The following RNF43 variants were observed in gnomAD, a reference collection of about 807,000 sequenced individuals.
RNF43 encodes ring finger protein 43.
A neutral mutation model predicts 78.4 loss-of-function variants in RNF43; 37 were observed. The observed-to-expected ratio is 0.47, with a 90% CI of 0.36 to 0.62. The LOEUF is 0.62. RNF43 is among the 20% of genes least tolerant of loss of function. The pLI, the probability that RNF43 is intolerant of heterozygous loss-of-function variation, is 0.00. For missense variants in RNF43, 774 were observed against 1,007.9 expected, an observed-to-expected ratio of 0.77 and a Z score of 3.14; for synonymous variants, 347 against 395.0, an observed-to-expected ratio of 0.88 and a Z score of 1.44.
intron 2 of RNF43, among the ~76,000 whole-genome samples, chr17:58,391,775 G>T (rs1384729105): frequency 6.6e-6 from 1 of 152,158 alleles, no homozygotes; most frequent in Non-Finnish European, 1.5e-5. Context: ...ACAAAAGGAG[G>T]AGTGTTCAGA....
chr17:58,399,643 A>ATT (rs1370117543), intron 2 of RNF43, among the ~76,000 whole-genome samples: 12 of 142,662 alleles, frequency 8.4e-5, no homozygotes, highest in East Asian at 2.0e-4. Flanking sequence ...AGTAGCAGCA[A>ATT]TTTTTTTTTT....
chr17:58,352,760 T>C, downstream of RNF43: 1 of 215,006 alleles, frequency 4.7e-6, no homozygotes, highest in Admixed American at 5.8e-5. Context: ...CGTATTTATC[T>C]TTTAAAACTC....
Position 58,415,668 on chromosome 17 carries a change from A to C in RNF43, c.-91T>G. 1 of 1,444,120 alleles carries C rather than the reference A, an allele frequency of 6.9e-7. No individual in the cohort carries two copies. The highest frequency in any genetic ancestry group is 9.4e-7 in the Non-Finnish European group (1 of 1,063,484). The allele number at this position is 1,444,120 out of a possible 1,614,324, so 89.5% of individuals were successfully genotyped here. On this transcript the variant is annotated 5_prime_UTR_variant, in exon 2 of 10. Coordinates refer to ENST00000407977, the MANE Select transcript of RNF43 (RefSeq NM_017763.6). ...GTTCTCAGATCCAGACAAATGGAGG[A>C]AAAGAACATTTATGCTTCCGTTTCA...
At position 58,366,417 on chromosome 17, in the gene RNF43, A is replaced by G. The variant is rs550028849; in HGVS notation, c.376-2817T>C. ...AGAAGATGGTGTTGAAAGCATGCACAGACACCCTACCCTCTGGAGGCATGC... is the reference window on the plus strand; with the variant it reads ...AGAAGATGGTGTTGAAAGCATGCACGGACACCCTACCCTCTGGAGGCATGC... On this transcript the variant is annotated intron_variant, in intron 3 of 9. Coordinates refer to ENST00000407977, the MANE Select transcript of RNF43 (RefSeq NM_017763.6). Among the ~76,000 whole-genome samples, 3 of 152,352 alleles carry G rather than the reference A, an allele frequency of 2.0e-5. No homozygotes were observed. In the East Asian group the frequency reaches 5.8e-4, roughly 29 times the overall value.
Position 58,360,486 on chromosome 17 carries a change from T to TA in RNF43, c.850-236dup, listed in dbSNP as rs966461659. Among the ~76,000 whole-genome samples, 6 of 152,074 alleles carry TA rather than the reference T, an allele frequency of 3.9e-5. No individual in the cohort carries two copies. Among genetic ancestry groups the TA allele is most frequent in the African/African-American group, 7.2e-5 (3 of 41,394 alleles). On this transcript the variant is annotated intron_variant, in intron 7 of 9. Coordinates refer to ENST00000407977, the MANE Select transcript of RNF43 (RefSeq NM_017763.6). The surrounding 1 kb of genome is among the most constrained non-coding windows in gnomAD (Gnocchi z 4.3). ...ACAGTTTTCTGCTGTAAAATGAAGATAAAAAAATGAATCTAACCCCACCCT... is the reference window on the plus strand; with the variant it reads ...ACAGTTTTCTGCTGTAAAATGAAGATAAAAAAAATGAATCTAACCCCACCCT...
intron 2 of RNF43, among the ~76,000 whole-genome samples, chr17:58,396,669 G>A (rs1331879897): frequency 6.6e-6 from 1 of 152,072 alleles, no homozygotes; most frequent in African/African-American, 2.4e-5. Context: ...CTGGTCTGAG[G>A]TTTGCTTAGA....
At position 58,360,756 on chromosome 17, in the gene RNF43, G is replaced by T; in HGVS notation, c.849+27C>A. 6.3e-7 allele frequency: 1 copy of T among 1,592,336 alleles called. No homozygotes were observed. Among genetic ancestry groups the T allele is most frequent in the Non-Finnish European group, 8.6e-7 (1 of 1,167,996 alleles). On this transcript the variant is annotated intron_variant, in intron 7 of 9. Transcript: ENST00000407977. The surrounding 1 kb of genome is among the most constrained non-coding windows in gnomAD (Gnocchi z 4.3). ...GCTTCAATCTCCCCAGTCTGGTCAT[G>T]GAGGTGAACCACAAGACCTGCCTTA... is the stretch of plus-strand genomic sequence containing the variant.
At chr17:58,369,544 T>C (rs1174135973) in intron 3 of RNF43, among the ~76,000 whole-genome samples, 1 of 152,160 alleles carries the variant, frequency 6.6e-6, no homozygotes, top group East Asian at 1.9e-4. Context: ...TCACCACCCT[T>C]GGGGGCATAC....
rs2143382439 is a variant in RNF43, at chr17:58,357,441, C to T, written c.2308+27G>A. ...TTCAGCTGTAGTCTCCTCTCCCTAC[C>T]ACACCCACTTCCCTCTGAAAACTCA... is the stretch of plus-strand genomic sequence containing the variant. On this transcript the variant is annotated intron_variant, in intron 9 of 9. Coordinates refer to ENST00000407977, the MANE Select transcript of RNF43 (RefSeq NM_017763.6). The surrounding 1 kb of genome is among the most constrained non-coding windows in gnomAD (Gnocchi z 4.5). 6.2e-7 allele frequency: 1 copy of T among 1,614,136 alleles called. No homozygotes were observed. Among genetic ancestry groups the T allele is most frequent in the South Asian group, 1.1e-5 (1 of 91,084 alleles).
At chr17:58,369,961 C>T (rs1222375930) in intron 3 of RNF43, among the ~76,000 whole-genome samples, 1 of 151,918 alleles carries the variant, frequency 6.6e-6, no homozygotes. Context: ...AGAGAAGGCC[C>T]ACAGCTGTGG....
At chr17:58,374,280 G>T (rs759612567) in intron 2 of RNF43, among the ~76,000 whole-genome samples, 1 of 151,760 alleles carries the variant, frequency 6.6e-6, no homozygotes, top group Non-Finnish European at 1.5e-5. Flanking sequence ...TACCTTCCCC[G>T]AACTCATTTA....
At chr17:58,371,158 G>C (rs548403968) in intron 2 of RNF43, 125 bp from the exon 3 acceptor site, 2 of 963,794 alleles carry the variant, frequency 2.1e-6, no homozygotes, top group East Asian at 5.7e-5. Flanking sequence ...TAAAAGAGTA[G>C]GCCTTATGAT....
At chr17:58,390,054 G>A (rs1054786614) in intron 2 of RNF43, among the ~76,000 whole-genome samples, 4 of 152,176 alleles carry the variant, frequency 2.6e-5, no homozygotes, top group Non-Finnish European at 4.4e-5. Flanking sequence ...GGGGTGCAGG[G>A]CAGCATGTCC....
intron 2 of RNF43, among the ~76,000 whole-genome samples, chr17:58,403,316 CA>C (rs1481071000): frequency 7.2e-5 from 11 of 152,194 alleles, no homozygotes; most frequent in African/African-American, 2.7e-4. Context: ...CATAATCCCC[CA>C]GTCTCCTCCA....
intron 2 of RNF43, among the ~76,000 whole-genome samples, chr17:58,376,722 G>A (rs1457002482): frequency 6.6e-6 from 1 of 152,088 alleles, no homozygotes; most frequent in Non-Finnish European, 1.5e-5. Context: ...TTCTACAGTG[G>A]GCCACCTGTC....
intron 2 of RNF43, among the ~76,000 whole-genome samples, chr17:58,389,663 C>T (rs1973509841): frequency 6.6e-6 from 1 of 152,148 alleles, no homozygotes; most frequent in South Asian, 2.1e-4. Flanking sequence ...ATTATTTCCC[C>T]ATAATATTAA....
rs1974100429 is a variant in RNF43 at position 58,415,363 on chromosome 17, A to G, written c.215T>C (p.Val72Ala). 6.8e-6 allele frequency: 11 copies of G among 1,614,142 alleles called. No homozygotes were observed. Among genetic ancestry groups the G allele is most frequent in the Non-Finnish European group, 8.5e-6 (10 of 1,180,048 alleles). ...NLTLEGVFAG[V>A]AEITPAEGKL... ...TCCTTCTGCTGGAGTTATTTCAGCA[A>G]CACCAGCAAACACACCTTCCAAAGT... Residue 72 changes from valine (V) to alanine (A), a missense_variant, in exon 2 of 10, where the codon GTT becomes GCT. By Grantham distance (64) the Val-to-Ala change is moderately conservative (BLOSUM62 0). Transcript: ENST00000407977.
chr17:58,367,968 C>A (rs890885269), intron 3 of RNF43, among the ~76,000 whole-genome samples: 1 of 152,192 alleles, frequency 6.6e-6, no homozygotes, highest in Non-Finnish European at 1.5e-5. Context: ...TAACTACTTA[C>A]AAGTCCCATT....
chr17:58,367,754 A>C (rs1006097322), intron 3 of RNF43, among the ~76,000 whole-genome samples: 34 of 152,232 alleles, frequency 2.2e-4, no homozygotes, highest in African/African-American at 8.2e-4. Flanking sequence ...AGCCTCCAGA[A>C]GAATTATGGT....
Sources: allele counts gnomAD v4.1 joint callset (sites outside exome capture counted in the v4.1 genomes callset), GRCh38; gene constraint gnomAD v4.1.1; non-coding constraint Gnocchi (gnomAD v3.1); transcripts MANE v1.5; gene names NCBI Gene and HGNC (gene_info 2026-07-23, HGNC 2026-07-21).